Variants in SLC26A7 observed in about 807,000 individuals in gnomAD.
SLC26A7 encodes the protein solute carrier family 26 member 7, also known as anion exchange transporter.
In SLC26A7, 59 loss-of-function variants were observed where a neutral mutation model predicts 82.5. That is an observed-to-expected ratio of 0.72 (90% CI 0.58 to 0.89). The LOEUF is 0.89. Among genes scored for constraint, SLC26A7 ranks in the 40% least tolerant of loss-of-function variants. The probability of loss-of-function intolerance (pLI) is 0.00; values close to 1 mark genes in which losing one functional copy is unlikely to be tolerated. For synonymous variants in SLC26A7, 271 were observed against 274.3 expected (o/e 0.99, Z 0.12); for missense variants, 820 against 793.0 (o/e 1.03, Z -0.41).
intron 3 of SLC26A7, among the ~76,000 whole-genome samples, chr8:91,290,649 A>G (rs1811839009): frequency 6.6e-6 from 1 of 152,230 alleles, no homozygotes; most frequent in Non-Finnish European, 1.5e-5. Context: ...TTATTTTAAG[A>G]TCAGCTGCTT....
chr8:91,310,569 G>A (rs1408907504), intron 4 of SLC26A7, among the ~76,000 whole-genome samples: 1 of 152,184 alleles, frequency 6.6e-6, no homozygotes, highest in East Asian at 1.9e-4. Context: ...GGTGAGGACA[G>A]CTTCCCAATA....
chr8:91,286,919 TG>T lies in SLC26A7; in HGVS notation c.194-2215del, dbSNP rs35454584. On this transcript the variant is annotated intron_variant, in intron 2 of 18. Coordinates refer to ENST00000276609, the MANE Select transcript of SLC26A7 (RefSeq NM_052832.4). ...TTTTTTGAGGTACGTGTGTGGGGGC[TG>T]GTCTTGGGCCTTGTAGTTCTTATTT... 5.3e-5 allele frequency among the ~76,000 whole-genome samples: 8 copies of T among 152,288 alleles called. No individual in the cohort carries two copies. In the East Asian group the frequency reaches 7.7e-4, roughly 15 times the overall value.
intron 4 of SLC26A7, among the ~76,000 whole-genome samples, chr8:91,309,479 A>G (rs961110399): frequency 6.6e-6 from 1 of 151,442 alleles, no homozygotes; most frequent in Non-Finnish European, 1.5e-5. Flanking sequence ...TAAGTTAGCA[A>G]TTCCAGTATA....
At chr8:91,309,631 G>A (rs184233064) in intron 4 of SLC26A7, among the ~76,000 whole-genome samples, 3 of 152,094 alleles carry the variant, frequency 2.0e-5, no homozygotes, top group Admixed American at 6.6e-5. Context: ...AGGTGCATAA[G>A]GCAGAAGGAG....
chr8:91,249,575 G>A lies in SLC26A7; in HGVS notation c.-77G>A, dbSNP rs62527426. The A allele has an allele frequency of 8.5e-7, 1 of 1,177,300 alleles. No homozygotes were observed. Among genetic ancestry groups the A allele is most frequent in the Admixed American group, 3.2e-5 (1 of 31,454 alleles). The allele number at this position is 1,177,300 out of a possible 1,614,324, so 72.9% of individuals were successfully genotyped here. Reference sequence around the variant, plus strand: ...TAAACCACAGACGAATTGGAGCTTGGCATTGAAAGGAGGTGTTCTGCAATG... The same window carrying A: ...TAAACCACAGACGAATTGGAGCTTGACATTGAAAGGAGGTGTTCTGCAATG... On this transcript the variant is annotated 5_prime_UTR_variant, in exon 2 of 19. Transcript: ENST00000276609.
intron 4 of SLC26A7, among the ~76,000 whole-genome samples, chr8:91,313,536 C>G (rs185430350): frequency 3.9e-5 from 6 of 152,236 alleles, no homozygotes; most frequent in Non-Finnish European, 5.9e-5. Flanking sequence ...TCCCCCAAAC[C>G]TGAATACATT....
chr8:91,264,876 C>T (rs1028418444), intron 2 of SLC26A7, among the ~76,000 whole-genome samples: 2 of 151,878 alleles, frequency 1.3e-5, no homozygotes, highest in Non-Finnish European at 2.9e-5. Flanking sequence ...TTCAGATCTT[C>T]ATCATTTTTT....
intron 16 of SLC26A7, among the ~76,000 whole-genome samples, chr8:91,392,510 A>G (rs987746637): frequency 6.6e-6 from 1 of 152,190 alleles, no homozygotes; most frequent in Admixed American, 6.5e-5. Flanking sequence ...TTCTCATTTT[A>G]AAAATGTCAT....
In SLC26A7 at chr8:91,394,003, G is replaced by A. The variant is rs35714602; in HGVS notation, c.1899G>A (p.Ser633=). Residue 633 remains serine (S), a synonymous_variant, in exon 18 of 19, where the codon TCG becomes TCA. Transcript: ENST00000276609. The stretch of plus-strand genomic sequence containing the variant: ...CAGAGAAACCAATTTTTTTTGAATC[G>A]GTATCTGCTGCAATAAGTCATATCC... The part of the protein sequence containing the change: ...LDSEKPIFFE[S]VSAAISHIHS... The A allele has an allele frequency of 1.3e-3, 2,145 of 1,613,292 alleles. 34 individuals are homozygous for A. The African/African-American group carries it at 0.026, about 20-fold the overall frequency.
rs940151733 is a variant in SLC26A7, at chr8:91,287,666, T to C, written c.194-1470T>C. ...CTCTGCATTTCTGTCTCTTAATAGA[T>C]AATTTTTATCAGGTAACTTATTCTG... On this transcript the variant is annotated intron_variant, in intron 2 of 18. Coordinates refer to ENST00000276609, the MANE Select transcript of SLC26A7 (RefSeq NM_052832.4). Among the ~76,000 whole-genome samples the C allele has an allele frequency of 2.0e-5, 3 of 152,260 alleles. No homozygotes were observed. The East Asian group carries it at 5.8e-4, about 29-fold the overall frequency.
At chr8:91,366,764 T>C in intron 14 of SLC26A7, 47 bp downstream of exon 14, 1 of 1,564,570 alleles carries the variant, frequency 6.4e-7, no homozygotes, top group South Asian at 1.2e-5. Context: ...TGTAGCCTTA[T>C]ATCATGACAA....
intron 11 of SLC26A7, among the ~76,000 whole-genome samples, chr8:91,356,989 T>C (rs1386342808): frequency 6.6e-6 from 1 of 152,172 alleles, no homozygotes; most frequent in South Asian, 2.1e-4. Context: ...TCACTGGAGA[T>C]CTCATGCTGT....
intron 4 of SLC26A7, among the ~76,000 whole-genome samples, chr8:91,310,498 G>GA (rs1444348560): frequency 6.6e-6 from 1 of 152,082 alleles, no homozygotes; most frequent in African/African-American, 2.4e-5. Flanking sequence ...TTGATGGCCT[G>GA]AAAGCAAGAG....
At chr8:91,358,646 T>A (rs1813952460) in intron 11 of SLC26A7, among the ~76,000 whole-genome samples, 1 of 152,116 alleles carries the variant, frequency 6.6e-6, no homozygotes, top group South Asian at 2.1e-4. Flanking sequence ...ATATGTTTGT[T>A]GCGGCACTAC....
intron 4 of SLC26A7, among the ~76,000 whole-genome samples, chr8:91,309,012 T>C (rs79708002): frequency 6.6e-6 from 1 of 152,176 alleles, no homozygotes; most frequent in Non-Finnish European, 1.5e-5. Context: ...GCTGTTAGAC[T>C]TTAAGATTTA....
intron 11 of SLC26A7, among the ~76,000 whole-genome samples, chr8:91,356,998 G>A (rs1813888335): frequency 6.6e-6 from 1 of 152,134 alleles, no homozygotes; most frequent in African/African-American, 2.4e-5. Flanking sequence ...ATCTCATGCT[G>A]TTGTCATCTC....
chr8:91,259,079 C>A (rs555033608), intron 2 of SLC26A7, among the ~76,000 whole-genome samples: 91 of 152,198 alleles, frequency 6.0e-4, no homozygotes, highest in African/African-American at 2.1e-3. Flanking sequence ...CCAAATACTA[C>A]CCCTGGGACT....
At chr8:91,234,571 C>T (rs916540297) in intron 2 of SLC26A7, among the ~76,000 whole-genome samples, 9 of 151,888 alleles carry the variant, frequency 5.9e-5, no homozygotes, top group Admixed American at 6.6e-5. Flanking sequence ...AATACTTGCT[C>T]CATTCTCAAG....
chr8:91,337,523 C>T (rs1430549992), intron 6 of SLC26A7, among the ~76,000 whole-genome samples: 1 of 152,084 alleles, frequency 6.6e-6, no homozygotes, highest in African/African-American at 2.4e-5. Flanking sequence ...AGGCAGGGAA[C>T]ATGTAACCTT....
Sources: allele counts gnomAD v4.1 joint callset (sites outside exome capture counted in the v4.1 genomes callset), GRCh38; gene constraint gnomAD v4.1.1; transcripts MANE v1.5; gene names NCBI Gene and HGNC (gene_info 2026-07-23, HGNC 2026-07-21).